The following APMAP variants were observed in gnomAD, a reference collection of about 807,000 sequenced individuals.
The protein encoded by APMAP is adipocyte plasma membrane associated protein.
A neutral mutation model predicts 43.6 loss-of-function variants in APMAP; 33 were observed. That is an observed-to-expected ratio of 0.76 (90% confidence interval 0.57 to 1.01). The LOEUF (loss-of-function observed/expected upper bound fraction) is 1.01. APMAP is among the 50% of genes least tolerant of loss of function. The pLI is 0.00. For synonymous variants in APMAP, 224 were observed against 216.7 expected (o/e 1.03, Z -0.30); for missense variants, 498 against 540.7 (o/e 0.92, Z 0.78).
Position 24,963,697 on chromosome 20 carries a change from A to T in APMAP, c.*116T>A. ...CATTCCCACCACCTCTCAGGGACTA[A>T]CAGGTGCATGTGGACACTTGAACCA... On this transcript the variant is annotated 3_prime_UTR_variant, in exon 9 of 9. Transcript: ENST00000217456. 9.2e-7 allele frequency: 1 copy of T among 1,087,344 alleles called. No homozygotes were observed. Among genetic ancestry groups the T allele is most frequent in the Non-Finnish European group, 1.4e-6 (1 of 737,340 alleles). 67.4% of individuals were successfully genotyped at this position (1,087,344 alleles called of 1,614,324 possible).
chr20:24,971,326 GTAC>G (rs774927357), intron 5 of APMAP, 131 bp downstream of exon 5: 5 of 808,188 alleles, frequency 6.2e-6, no homozygotes, highest in Non-Finnish European at 9.5e-6. Context: ...AATGTTTTCA[GTAC>G]TGTTCAGTGA....
intron 8 of APMAP, among the ~76,000 whole-genome samples, chr20:24,966,821 T>C (rs542505459): frequency 6.6e-6 from 1 of 152,218 alleles, no homozygotes; most frequent in South Asian, 2.1e-4. Context: ...AGGGGAGCTG[T>C]GGGCATCTCC....
At chr20:24,982,738 G>A (rs1460958135) in intron 2 of APMAP, among the ~76,000 whole-genome samples, 1 of 152,036 alleles carries the variant, frequency 6.6e-6, no homozygotes, top group Non-Finnish European at 1.5e-5. Flanking sequence ...ATCTAAGAAG[G>A]CCCAGGTCAG....
intron 1 of APMAP, among the ~76,000 whole-genome samples, chr20:24,992,272 C>T (rs1335370098): frequency 2.0e-5 from 3 of 152,046 alleles, no homozygotes; most frequent in Non-Finnish European, 2.9e-5. Flanking sequence ...AGGAAGCAAC[C>T]GCTATGCAGG....
chr20:24,968,215 T>C (rs4815351), intron 8 of APMAP, among the ~76,000 whole-genome samples: 73,872 of 151,934 alleles, frequency 0.49, 19,337 homozygotes, highest in East Asian at 0.92. Flanking sequence ...TGGAAGCCAC[T>C]GGGAAAATGG....
At position 24,969,563 on chromosome 20, in the gene APMAP, C is replaced by A; in HGVS notation, c.811G>T (p.Val271Phe). Residue 271 changes from valine to phenylalanine, a missense_variant, in exon 7 of 9, where the codon GTC becomes TTC. Transcript: ENST00000217456. ...GVQLSPAEDF[V>F]LVAETTMARI... Reference sequence around the variant, plus strand: ...GCCATGGTTGTTTCTGCCACCAGGACAAAGTCTTCTGCAGGAGACAGCTGG... The same window carrying A: ...GCCATGGTTGTTTCTGCCACCAGGAAAAAGTCTTCTGCAGGAGACAGCTGG... 4.3e-6 allele frequency: 7 copies of A among 1,613,946 alleles called. No homozygotes were observed. Among genetic ancestry groups the A allele is most frequent in the Non-Finnish European group, 5.9e-6 (7 of 1,179,874 alleles).
intron 4 of APMAP, 80 bp downstream of exon 4, chr20:24,973,565 G>A: frequency 1.5e-6 from 2 of 1,373,600 alleles, no homozygotes; most frequent in Non-Finnish European, 2.0e-6. Context: ...GGCATTCTAG[G>A]GAAAAGCAGT....
At chr20:24,990,760 A>G (rs1036506422) in intron 1 of APMAP, among the ~76,000 whole-genome samples, 1 of 152,230 alleles carries the variant, frequency 6.6e-6, no homozygotes, top group Non-Finnish European at 1.5e-5. Context: ...AAAATATAGG[A>G]GAAATGCAGA....
chr20:24,969,490 G>GAAAT, intron 7 of APMAP, 36 bp downstream of exon 7: 1 of 1,586,624 alleles, frequency 6.3e-7, no homozygotes, highest in Non-Finnish European at 8.6e-7. Context: ...ATGCGCTCTG[G>GAAAT]CCAGTAACTG....
rs1568811072 is a variant in APMAP, at chr20:24,968,922, CTCAGA to C, written c.1006_1010del (p.Ser336GlufsTer5). 1.2e-6 allele frequency: 2 copies of C among 1,605,870 alleles called. No homozygotes were observed. The highest frequency in any genetic ancestry group is 2.2e-5 in the South Asian group (2 of 89,222). ...AAATCATCCTTTTAATCCAGGGTCT[CTCAGA>C]TAAGAAATCCAGCATGGAAAACCCA... On this transcript the variant is annotated frameshift_variant, in exon 8 of 9. Coordinates refer to ENST00000217456, the MANE Select transcript of APMAP (RefSeq NM_020531.3). LOFTEE classifies it high-confidence loss of function.
In APMAP at chr20:24,973,711, C is replaced by T. The variant is rs1045409032; in HGVS notation, c.355G>A (p.Gly119Ser). Residue 119 changes from glycine (G) to serine (S), a missense_variant, in exon 4 of 9, where the codon GGC becomes AGC. Transcript: ENST00000217456. The stretch of plus-strand genomic sequence containing the variant: ...CCATTTTCAAGTTTTACGACCCGGC[C>T]ATCTGCTGTCCCAGTAAACATCACA... ...GDVMFTGTAD[G>S]RVVKLENGEI... is the part of the protein sequence containing the mutation. 6.2e-7 allele frequency: 1 copy of T among 1,614,064 alleles called. No homozygotes were observed. The highest frequency in any genetic ancestry group is 1.3e-5 in the African/African-American group (1 of 74,932).
intron 5 of APMAP, among the ~76,000 whole-genome samples, chr20:24,970,878 C>A (rs1022375681): frequency 6.6e-6 from 1 of 152,150 alleles, no homozygotes; most frequent in Admixed American, 6.5e-5. Context: ...AACTAAGGGA[C>A]CTGCAGTCAC....
intron 3 of APMAP, among the ~76,000 whole-genome samples, chr20:24,976,870 T>C (rs903961089): frequency 1.3e-5 from 2 of 152,134 alleles, no homozygotes; most frequent in Non-Finnish European, 1.5e-5. Context: ...TATCAACCCA[T>C]GGAAAGACAT....
chr20:24,971,287 G>C (rs995965338), intron 5 of APMAP, among the ~76,000 whole-genome samples, 173 bp downstream of exon 5: 1 of 152,160 alleles, frequency 6.6e-6, no homozygotes, highest in African/African-American at 2.4e-5. Flanking sequence ...GAGTTTTCTG[G>C]TGTTTAAAAC....
intron 1 of APMAP, among the ~76,000 whole-genome samples, chr20:24,990,047 T>C (rs2088179222): frequency 6.6e-6 from 1 of 152,230 alleles, no homozygotes. Context: ...ATTAAACAGT[T>C]CTCTTCCTAG....
At chr20:24,982,187 GGAGA>G (rs1388145896) in intron 2 of APMAP, among the ~76,000 whole-genome samples, 1 of 151,130 alleles carries the variant, frequency 6.6e-6, no homozygotes, top group African/African-American at 2.4e-5. Flanking sequence ...GCTGAGCCCA[GGAGA>G]GAGAGAGAGA....
intron 1 of APMAP, among the ~76,000 whole-genome samples, chr20:24,991,392 G>A (rs1415176440): frequency 6.6e-6 from 1 of 152,196 alleles, no homozygotes; most frequent in Admixed American, 6.5e-5. Context: ...CTACATCCTT[G>A]GAAACCCCAG....
At position 24,969,682 on chromosome 20, in the gene APMAP, G is replaced by A. The variant is rs1160885282; in HGVS notation, c.714-22C>T. ...CAGGCTGTGGAACACCAAAAGCAGA[G>A]GGTTATGGGGGAGAATCCCTGGCTC... On this transcript the variant is annotated intron_variant, in intron 6 of 8. Coordinates refer to ENST00000217456, the MANE Select transcript of APMAP (RefSeq NM_020531.3). 1.9e-6 allele frequency: 3 copies of A among 1,592,566 alleles called. No individual in the cohort carries two copies. In the African/African-American group the frequency reaches 4.0e-5, roughly 21 times the overall value.
intron 3 of APMAP, among the ~76,000 whole-genome samples, chr20:24,976,374 A>T (rs1003740641): frequency 9.2e-5 from 14 of 152,224 alleles, no homozygotes; most frequent in African/African-American, 3.4e-4. Flanking sequence ...CAATTACAAA[A>T]ATGGGCAAAA....
Sources: allele counts gnomAD v4.1 joint callset (sites outside exome capture counted in the v4.1 genomes callset), GRCh38; gene constraint gnomAD v4.1.1; transcripts MANE v1.5; gene names NCBI Gene and HGNC (gene_info 2026-07-23, HGNC 2026-07-21).